The following SPEF2 variants were observed in gnomAD, a reference collection of about 807,000 sequenced individuals.
SPEF2 encodes sperm flagella and cilia-associated protein 2.
A neutral mutation model predicts 224.6 loss-of-function variants in SPEF2; 187 were observed. The observed-to-expected ratio is 0.83, with a 90% CI of 0.74 to 0.94. The LOEUF is 0.94. SPEF2 is among the 40% of genes least tolerant of loss of function. SPEF2 has a pLI of 0.00. For synonymous variants in SPEF2, 715 were observed against 707.3 expected (o/e 1.01, Z -0.17); for missense variants, 2,170 against 2,135.6 (o/e 1.02, Z -0.32).
chr5:35,706,058 A>ACG (rs1554037150), intron 18 of SPEF2, among the ~76,000 whole-genome samples: 1 of 33,552 alleles, frequency 3.0e-5, no homozygotes, highest in Non-Finnish European at 7.4e-5. Context: ...ATAAAAAAAA[A>ACG]ACAAGAAAAA....
intron 10 of SPEF2, among the ~76,000 whole-genome samples, chr5:35,679,661 A>G (rs1199054634): frequency 6.6e-6 from 1 of 152,232 alleles, no homozygotes; most frequent in African/African-American, 2.4e-5. Context: ...TCTGCTGTAG[A>G]GCAGATTGTA....
chr5:35,635,123 C>CT (rs200908451), intron 2 of SPEF2, among the ~76,000 whole-genome samples: 5 of 151,006 alleles, frequency 3.3e-5, no homozygotes, highest in South Asian at 2.1e-4. Flanking sequence ...TTTCTTCATG[C>CT]TTTTTTTTTC....
In SPEF2 at chr5:35,630,524, G is replaced by A. The variant is rs547445067; in HGVS notation, c.161+1962G>A. On this transcript the variant is annotated intron_variant, in intron 2 of 36. Transcript: ENST00000356031. ...ATCCTGGCTAACACGGTGAAACCCC[G>A]TCTCTACTAAAAATACAAAAAATTA... 9.2e-5 allele frequency among the ~76,000 whole-genome samples: 14 copies of A among 152,096 alleles called. 1 individual carries two copies. Among genetic ancestry groups the A allele is most frequent in the Non-Finnish European group, 1.2e-4 (8 of 67,966 alleles).
At chr5:35,773,136 G>C (rs1753102556) in intron 27 of SPEF2, among the ~76,000 whole-genome samples, 1 of 152,164 alleles carries the variant, frequency 6.6e-6, no homozygotes, top group African/African-American at 2.4e-5. Flanking sequence ...CCTGCACTTT[G>C]GGAGGCCAAG....
At position 35,649,408 on chromosome 5, in the gene SPEF2, T is replaced by A. The variant is rs766673818; in HGVS notation, c.774T>A (p.Asp258Glu). 40 of 1,611,622 alleles carry A rather than the reference T, an allele frequency of 2.5e-5. No individual in the cohort carries two copies. The highest frequency in any genetic ancestry group is 3.2e-5 in the Non-Finnish European group (38 of 1,179,112). The change falls in exon 6 of 37, where the codon GAT becomes GAA. Residue 258 changes from aspartate (D) to glutamate (E), a missense_variant. Coordinates refer to ENST00000356031, the MANE Select transcript of SPEF2 (RefSeq NM_024867.4). ...IKKFEALIKKDLQAKESASKT... is the reference protein window; with the variant it reads ...IKKFEALIKKELQAKESASKT... The stretch of plus-strand genomic sequence containing the variant: ...AGTTCGAAGCATTAATAAAAAAGGA[T>A]CTCCAAGCAAAAGAAAGGTGAGATG...
intron 30 of SPEF2, among the ~76,000 whole-genome samples, chr5:35,785,191 G>A (rs1754924179): frequency 6.6e-6 from 1 of 152,202 alleles, no homozygotes; most frequent in Non-Finnish European, 1.5e-5. Context: ...TTACAGCAAA[G>A]AGGACTATGG....
rs771319218 is a variant in SPEF2 at position 35,700,509 on chromosome 5, A to T, written c.2155A>T (p.Asn719Tyr). Residue 719 changes from asparagine to tyrosine, a missense_variant, in exon 16 of 37, where the codon AAT (asparagine) becomes TAT (tyrosine). Coordinates refer to ENST00000356031, the MANE Select transcript of SPEF2 (RefSeq NM_024867.4). ...IVNAINEIPV[N>Y]QDCILDGFPM... The stretch of plus-strand genomic sequence containing the variant: ...GTTTCAATTTAGTGAGATACCTGTG[A>T]ATCAAGACTGTATCCTAGATGGTTT... The T allele has an allele frequency of 1.6e-5, 25 of 1,612,548 alleles. No individual in the cohort carries two copies. In the South Asian group the frequency reaches 2.7e-4, roughly 18 times the overall value.
At chr5:35,642,575 A>G (rs1392078707) in intron 3 of SPEF2, among the ~76,000 whole-genome samples, 1 of 152,152 alleles carries the variant, frequency 6.6e-6, no homozygotes, top group Non-Finnish European at 1.5e-5. Context: ...CAATGCTTCA[A>G]ATGTTGTAAG....
rs753781919 is a variant in SPEF2, at chr5:35,806,777, G to A, written c.5081G>A (p.Arg1694Lys). The change falls in exon 35 of 37, where the codon AGG becomes AAG. Residue 1694 changes from arginine to lysine, a missense_variant. Coordinates refer to ENST00000356031, the MANE Select transcript of SPEF2 (RefSeq NM_024867.4). ...EPEENAAREE[R>K]KLKDDTEKRE... ...GAGGAAAATGCTGCAAGAGAAGAAA[G>A]GAAATTAAAAGACGACACGGAGAAA... 6.2e-6 allele frequency: 10 copies of A among 1,613,898 alleles called. No individual in the cohort carries two copies. The South Asian group carries it at 8.8e-5, about 14-fold the overall frequency.
In SPEF2 at chr5:35,742,352, T is replaced by C. The variant is rs372211331; in HGVS notation, c.3330+2085T>C. Among the ~76,000 whole-genome samples, 15 of 152,234 alleles carry C rather than the reference T, an allele frequency of 9.9e-5. No homozygotes were observed. In the South Asian group the frequency reaches 2.9e-3, roughly 29 times the overall value. ...GGCAAACTTTTTTAAGTGAAACTTGTTTAAGATTATGCTTATTTTTAAGGT... is the reference window on the plus strand; with the variant it reads ...GGCAAACTTTTTTAAGTGAAACTTGCTTAAGATTATGCTTATTTTTAAGGT... On this transcript the variant is annotated intron_variant, in intron 23 of 36. Transcript: ENST00000356031.
chr5:35,667,119 A>T lies in SPEF2; in HGVS notation c.1215A>T (p.Lys405Asn), dbSNP rs758397204. 2 of 1,610,096 alleles carry T rather than the reference A, an allele frequency of 1.2e-6. No individual in the cohort carries two copies. The highest frequency in any genetic ancestry group is 2.2e-5 in the East Asian group (1 of 44,776). Residue 405 changes from lysine (K) to asparagine (N), a missense_variant, in exon 9 of 37, where the codon AAA (lysine) becomes AAT (asparagine). Lys to Asn is a moderately conservative substitution (Grantham distance 94, BLOSUM62 0). Coordinates refer to ENST00000356031, the MANE Select transcript of SPEF2 (RefSeq NM_024867.4). Reference sequence around the variant, plus strand: ...TTGACTTTGAAGAACAATTCCTTAAAGAAAAGAGATTTCATGATCAGATTG... The same window carrying T: ...TTGACTTTGAAGAACAATTCCTTAATGAAAAGAGATTTCATGATCAGATTG... Reference protein sequence around the residue: ...AKIDFEEQFLKEKRFHDQIAV... With the variant: ...AKIDFEEQFLNEKRFHDQIAV...
At chr5:35,638,825 A>G (rs1580073152) in intron 2 of SPEF2, among the ~76,000 whole-genome samples, 1 of 152,180 alleles carries the variant, frequency 6.6e-6, no homozygotes, top group East Asian at 1.9e-4. Flanking sequence ...GTCCTGGTCC[A>G]TAGTAGGCTC....
At chr5:35,706,058 A>AC (rs1554037150) in intron 18 of SPEF2, among the ~76,000 whole-genome samples, 2 of 33,578 alleles carry the variant, frequency 6.0e-5, no homozygotes, top group African/African-American at 2.5e-4. Context: ...ATAAAAAAAA[A>AC]ACAAGAAAAA....
At chr5:35,709,836 A>G (rs867380456) in intron 19 of SPEF2, 2 of 985,416 alleles carry the variant, frequency 2.0e-6, no homozygotes, top group Non-Finnish European at 2.4e-6. Context: ...GTGTGTGTAT[A>G]TAAAACAAAT....
chr5:35,690,604 G>A (rs1364997643), intron 10 of SPEF2, among the ~76,000 whole-genome samples: 3 of 151,986 alleles, frequency 2.0e-5, no homozygotes, highest in Non-Finnish European at 2.9e-5. Context: ...TGAATAAAGC[G>A]GGAGTTAAAC....
intron 26 of SPEF2, among the ~76,000 whole-genome samples, chr5:35,764,051 T>C (rs975603518): frequency 9.9e-5 from 15 of 152,172 alleles, no homozygotes; most frequent in Admixed American, 3.3e-4. Flanking sequence ...CAGGGGCACA[T>C]GCAATTGCCA....
intron 16 of SPEF2, chr5:35,702,403 G>A: frequency 2.3e-6 from 1 of 435,810 alleles, no homozygotes; most frequent in Middle Eastern, 4.0e-4. Context: ...GTAAAAGGCT[G>A]CATTGGAATG....
At chr5:35,640,880 G>A (rs1746540470) in intron 2 of SPEF2, among the ~76,000 whole-genome samples, 1 of 152,050 alleles carries the variant, frequency 6.6e-6, no homozygotes, top group East Asian at 1.9e-4. Flanking sequence ...TTTATATTTA[G>A]AAATCACTCT....
chr5:35,697,139 T>A (rs1317183125), intron 14 of SPEF2, among the ~76,000 whole-genome samples: 1 of 152,214 alleles, frequency 6.6e-6, no homozygotes, highest in East Asian at 1.9e-4. Flanking sequence ...GAATAGACTC[T>A]AGGGAAGTTC....
Sources: gnomAD v4.1 joint callset for allele counts (sites outside exome capture counted in the v4.1 genomes callset) on GRCh38, gnomAD v4.1.1 for gene constraint, MANE v1.5 for transcripts, NCBI Gene and HGNC (gene_info 2026-07-23, HGNC 2026-07-21) for gene names.